The following TBX4 variants were observed in gnomAD, a reference collection of about 807,000 sequenced individuals.
The protein encoded by TBX4 is T-box transcription factor 4, also known as T-box transcription factor TBX4.
Under a neutral mutation model 54.6 loss-of-function variants are expected in TBX4, and 13 were observed. The observed-to-expected ratio is 0.24, with a 90% confidence interval of 0.15 to 0.38. TBX4 has a LOEUF of 0.38. Among genes scored for constraint, TBX4 ranks in the 10% least tolerant of loss-of-function variants. The pLI is 1.00. For synonymous variants in TBX4, 314 were observed against 306.7 expected, an observed-to-expected ratio of 1.02 and a Z score of -0.25; for missense variants, 631 against 728.5, an observed-to-expected ratio of 0.87 and a Z score of 1.54.
At chr17:61,470,417 G>A (rs575351630) in intron 5 of TBX4, among the ~76,000 whole-genome samples, 2 of 152,256 alleles carry the variant, frequency 1.3e-5, no homozygotes, top group East Asian at 3.9e-4. Context: ...TGAAGTCTTG[G>A]GCCTGGTAGC....
Position 61,456,634 on chromosome 17 carries a change from G to A in TBX4, c.144G>A (p.Pro48=), listed in dbSNP as rs2060452580. Residue 48 remains proline, a synonymous_variant, in exon 2 of 9, where the codon CCG becomes CCA. Transcript: ENST00000644296. ...GCGGAGCCGCGCTAGGCAGCCCCCC[G>A]GGACCCGGGGCCGACGTCGTCGCCG... ...GLSGAALGSP[P]GPGADVVAAA... is the part of the protein sequence containing the mutation. The A allele has an allele frequency of 2.9e-6, 4 of 1,360,146 alleles. No homozygotes were observed. The highest frequency in any genetic ancestry group is 2.7e-4 in the Middle Eastern group (1 of 3,638). 84.3% of individuals were successfully genotyped at this position (1,360,146 alleles called of 1,614,324 possible).
In TBX4 at chr17:61,484,692, A is replaced by G. The variant is rs1406206167; in HGVS notation, c.*1176A>G. ...GTGGCTGGGGTGAACTCTCCATCAAACTTGGGAAATCACTAAACTCTTTGC... is the reference window on the plus strand; with the variant it reads ...GTGGCTGGGGTGAACTCTCCATCAAGCTTGGGAAATCACTAAACTCTTTGC... On this transcript the variant is annotated 3_prime_UTR_variant, in exon 9 of 9. Coordinates refer to ENST00000644296, the MANE Select transcript of TBX4 (RefSeq NM_001321120.2). The surrounding 1 kb of genome is among the most constrained non-coding windows in gnomAD (Gnocchi z 4.1). 2.0e-5 allele frequency: 3 copies of G among 151,426 alleles called. No homozygotes were observed. Among genetic ancestry groups the G allele is most frequent in the Admixed American group, 6.6e-5 (1 of 15,176 alleles). The allele number at this position is 151,426 out of a possible 1,614,324, so 9.4% of individuals were successfully genotyped here.
At chr17:61,468,668 T>C (rs775573350) in intron 5 of TBX4, among the ~76,000 whole-genome samples, 10 of 152,240 alleles carry the variant, frequency 6.6e-5, no homozygotes, top group Non-Finnish European at 1.3e-4. Flanking sequence ...TCTGAGTCAT[T>C]GGTGAGCTAT....
chr17:61,473,526 T>G (rs2060596274), intron 5 of TBX4, among the ~76,000 whole-genome samples: 1 of 152,208 alleles, frequency 6.6e-6, no homozygotes, highest in Non-Finnish European at 1.5e-5. Flanking sequence ...GACCCAGAGC[T>G]ATTTATCTCC....
At chr17:61,482,821 T>C (rs2143869750) in intron 8 of TBX4, 76 bp from the exon 9 acceptor site, 1 of 1,588,074 alleles carries the variant, frequency 6.3e-7, no homozygotes, top group Non-Finnish European at 8.5e-7. Flanking sequence ...GGACAGGCTG[T>C]CCCAGCATCC....
At position 61,459,212 on chromosome 17, in the gene TBX4, G is replaced by T. The variant is rs1021124535; in HGVS notation, c.281+1581G>T. On this transcript the variant is annotated intron_variant, in intron 3 of 8. Transcript: ENST00000644296. This position sits in a 1 kb window ranked among gnomAD's most constrained non-coding sequence, Gnocchi z 4.8. ...GTGTCACAGGCCCTGCCTCTTTCTG[G>T]CTGAGTGTACTTGGGCAAGTCACAG... Among the ~76,000 whole-genome samples, 1 of 152,244 alleles carries T rather than the reference G, an allele frequency of 6.6e-6. No individual in the cohort carries two copies. The highest frequency in any genetic ancestry group is 1.5e-5 in the Non-Finnish European group (1 of 68,048).
chr17:61,466,678 CCA>C (rs540224331), intron 4 of TBX4, among the ~76,000 whole-genome samples: 80 of 152,334 alleles, frequency 5.3e-4, no homozygotes, highest in African/African-American at 1.6e-3. Context: ...GATTTGGTGG[CCA>C]CGTCCTGGCA....
chr17:61,479,852 TG>T lies in TBX4; in HGVS notation c.703-27del, dbSNP rs750561579. On this transcript the variant is annotated intron_variant, in intron 6 of 8. Coordinates refer to ENST00000644296, the MANE Select transcript of TBX4 (RefSeq NM_001321120.2). The surrounding 1 kb of genome is among the most constrained non-coding windows in gnomAD (Gnocchi z 6.1). ...TGAGACACATTTGTGTGCCTCACACTGGTGACCCTATGTGTTTTCTCCCCAC... is the reference window on the plus strand; with the variant it reads ...TGAGACACATTTGTGTGCCTCACACTGTGACCCTATGTGTTTTCTCCCCAC... 1.2e-6 allele frequency: 2 copies of T among 1,606,462 alleles called. No individual in the cohort carries two copies. Among genetic ancestry groups the T allele is most frequent in the Non-Finnish European group, 1.7e-6 (2 of 1,172,998 alleles).
chr17:61,470,020 A>G (rs1223472314), intron 5 of TBX4, among the ~76,000 whole-genome samples: 3 of 152,168 alleles, frequency 2.0e-5, no homozygotes, highest in Admixed American at 2.0e-4. Flanking sequence ...TCCTCACGGT[A>G]TCCCAGGAGC....
intron 4 of TBX4, among the ~76,000 whole-genome samples, chr17:61,467,004 A>G (rs753374406): frequency 1.3e-5 from 2 of 152,270 alleles, no homozygotes. Context: ...TAAAAAATGT[A>G]AAAAGTTAAC....
At position 61,484,945 on chromosome 17, in the gene TBX4, A is replaced by AATAAATATATATAT. The variant is rs374788278; in HGVS notation, c.*1432_*1433insAATATATATATATA. ...ATGGTTTAGATAAAACATATAAATA[A>AATAAATATATATAT]ATATATATATATATATATATATATA... On this transcript the variant is annotated 3_prime_UTR_variant, in exon 9 of 9. Transcript: ENST00000644296. This position sits in a 1 kb window ranked among gnomAD's most constrained non-coding sequence, Gnocchi z 4.1. 7.1e-6 allele frequency: 1 copy of AATAAATATATATAT among 140,618 alleles called. No homozygotes were observed. The highest frequency in any genetic ancestry group is 2.2e-4 in the South Asian group (1 of 4,530). The allele number at this position is 140,618 out of a possible 1,614,324, so 8.7% of individuals were successfully genotyped here.
At position 61,476,216 on chromosome 17, in the gene TBX4, A is replaced by C. The variant is rs766313485; in HGVS notation, c.550-2411A>C. ...GCAGAATGACAACCAGGTAGATAACACATGAGAAGTAAGTTTCAGAACTGG... is the reference window on the plus strand; with the variant it reads ...GCAGAATGACAACCAGGTAGATAACCCATGAGAAGTAAGTTTCAGAACTGG... On this transcript the variant is annotated intron_variant, in intron 5 of 8. Coordinates refer to ENST00000644296, the MANE Select transcript of TBX4 (RefSeq NM_001321120.2). This position sits in a 1 kb window ranked among gnomAD's most constrained non-coding sequence, Gnocchi z 6.5. Among the ~76,000 whole-genome samples the C allele has an allele frequency of 1.3e-5, 2 of 152,260 alleles. No homozygotes were observed. Among genetic ancestry groups the C allele is most frequent in the Non-Finnish European group, 2.9e-5 (2 of 68,044 alleles).
intron 5 of TBX4, among the ~76,000 whole-genome samples, chr17:61,469,328 G>C (rs1441606793): frequency 2.0e-5 from 3 of 152,202 alleles, no homozygotes; most frequent in Non-Finnish European, 4.4e-5. Flanking sequence ...TCTGTGAGTG[G>C]TTTGTGATAA....
In TBX4 at chr17:61,475,612, G is replaced by A. The variant is rs986852465; in HGVS notation, c.550-3015G>A. ...CAGGAATCGGTCACTGAGTGGACCT[G>A]GAGGTGGATGACAGTGAGGAGGAGG... On this transcript the variant is annotated intron_variant, in intron 5 of 8. Coordinates refer to ENST00000644296, the MANE Select transcript of TBX4 (RefSeq NM_001321120.2). The surrounding 1 kb of genome is among the most constrained non-coding windows in gnomAD (Gnocchi z 5.0). Among the ~76,000 whole-genome samples, 10 of 152,194 alleles carry A rather than the reference G, an allele frequency of 6.6e-5. No individual in the cohort carries two copies. The highest frequency in any genetic ancestry group is 4.4e-5 in the Non-Finnish European group (3 of 68,036).
chr17:61,453,892 G>T (rs536468125), intron 1 of TBX4, among the ~76,000 whole-genome samples: 2 of 152,228 alleles, frequency 1.3e-5, no homozygotes, highest in Non-Finnish European at 2.9e-5. Flanking sequence ...TAAACAAGAA[G>T]TTATTGAAAC....
At chr17:61,458,912 C>G (rs1472257799) in intron 3 of TBX4, among the ~76,000 whole-genome samples, 1 of 144,096 alleles carries the variant, frequency 6.9e-6, no homozygotes, top group South Asian at 2.3e-4. Flanking sequence ...CTGTGTGCAG[C>G]GTATGGGGTG....
At position 61,465,849 on chromosome 17, in the gene TBX4, C is replaced by T. The variant is rs1462467663; in HGVS notation, c.312C>T (p.Val104=). 6.2e-7 allele frequency: 1 copy of T among 1,614,176 alleles called. No individual in the cohort carries two copies. Among genetic ancestry groups the T allele is most frequent in the Admixed American group, 1.7e-5 (1 of 60,022 alleles). Residue 104 remains valine, a synonymous_variant, in exon 4 of 9, where the codon GTC becomes GTT. Coordinates refer to ENST00000644296, the MANE Select transcript of TBX4 (RefSeq NM_001321120.2). The surrounding 1 kb of genome is among the most constrained non-coding windows in gnomAD (Gnocchi z 4.9). ...TGTTCCCCAGCTACAAGGTAAAAGT[C>T]ACAGGCATGAACCCCAAGACCAAGT... is the stretch of plus-strand genomic sequence containing the variant. The part of the protein sequence containing the change: ...RRMFPSYKVK[V]TGMNPKTKYI...
In TBX4 at chr17:61,456,532, C is replaced by T. The variant is rs745523181; in HGVS notation, c.42C>T (p.Phe14=). 24 of 1,559,366 alleles carry T rather than the reference C, an allele frequency of 1.5e-5. No individual in the cohort carries two copies. Among genetic ancestry groups the T allele is most frequent in the Admixed American group, 1.2e-4 (6 of 52,114 alleles). Residue 14 remains phenylalanine (F), a synonymous_variant, in exon 2 of 9, where the codon TTC becomes TTT. Coordinates refer to ENST00000644296, the MANE Select transcript of TBX4 (RefSeq NM_001321120.2). The part of the protein sequence containing the change: ...DKGLSESEEA[F]RAPGPALGEA... ...GCCTGTCCGAGAGCGAGGAGGCCTT[C>T]CGGGCCCCGGGCCCAGCGCTCGGAG...
At chr17:61,473,341 T>G (rs1045751580) in intron 5 of TBX4, among the ~76,000 whole-genome samples, 1 of 152,236 alleles carries the variant, frequency 6.6e-6, no homozygotes, top group Admixed American at 6.5e-5. Flanking sequence ...CCATGAGGTT[T>G]CCAATCACTG....
Sources: allele counts gnomAD v4.1 joint callset (sites outside exome capture counted in the v4.1 genomes callset), GRCh38; gene constraint gnomAD v4.1.1; non-coding constraint Gnocchi (gnomAD v3.1); transcripts MANE v1.5; gene names NCBI Gene and HGNC (gene_info 2026-07-23, HGNC 2026-07-21).